Variants in RBFOX1 observed in about 807,000 individuals in gnomAD.
RBFOX1 encodes the protein RNA binding protein fox-1 homolog 1.
RBFOX1 carries 8 observed loss-of-function variants against 57.7 expected under a neutral mutation model. That is an observed-to-expected ratio of 0.14 (90% CI 0.08 to 0.25). The LOEUF (loss-of-function observed/expected upper bound fraction) is 0.25. RBFOX1 is among the 10% of genes least tolerant of loss of function. The pLI is 1.00. For missense variants in RBFOX1, 611 were observed against 548.5 expected (o/e 1.11, Z -1.14); for synonymous variants, 326 against 222.4 (o/e 1.47, Z -4.15).
At chr16:6,418,192 A>T (rs1244140185) in intron 2 of RBFOX1, among the ~76,000 whole-genome samples, 1 of 152,064 alleles carries the variant, frequency 6.6e-6, no homozygotes, top group African/African-American at 2.4e-5. Context: ...CCCCTATTTT[A>T]CCGAAGGGTA....
chr16:5,927,814 G>A (rs1160699757), intron 4 of RBFOX1, among the ~76,000 whole-genome samples: 1 of 152,158 alleles, frequency 6.6e-6, no homozygotes, highest in Non-Finnish European at 1.5e-5. Context: ...GGTAAACCTG[G>A]AAGACCTTAT....
At chr16:6,111,893 A>T (rs1370663294) in intron 1 of RBFOX1, among the ~76,000 whole-genome samples, 1 of 152,216 alleles carries the variant, frequency 6.6e-6, no homozygotes, top group Non-Finnish European at 1.5e-5. Context: ...GATTGATATA[A>T]ATAATCCATA....
intron 2 of RBFOX1, among the ~76,000 whole-genome samples, chr16:6,547,438 A>T (rs762975413): frequency 6.6e-6 from 1 of 152,332 alleles, no homozygotes; most frequent in East Asian, 1.9e-4. Flanking sequence ...TGATTGTCGA[A>T]TGGTGCCATC....
At chr16:5,939,009 T>C (rs1037711035) in intron 4 of RBFOX1, among the ~76,000 whole-genome samples, 2 of 152,140 alleles carry the variant, frequency 1.3e-5, no homozygotes, top group Admixed American at 6.5e-5. Flanking sequence ...AGCAAACAGC[T>C]TATGTTCTCA....
chr16:6,527,618 G>A (rs1014050476), intron 2 of RBFOX1, among the ~76,000 whole-genome samples: 1 of 152,128 alleles, frequency 6.6e-6, no homozygotes, highest in African/African-American at 2.4e-5. Flanking sequence ...CTGCAATGAT[G>A]TGGAAACCCC....
chr16:5,442,950 C>T (rs1224502072), intron 1 of RBFOX1, among the ~76,000 whole-genome samples: 2 of 152,096 alleles, frequency 1.3e-5, no homozygotes, highest in African/African-American at 2.4e-5. Context: ...GAGAAGAAGA[C>T]ACAGACACAG....
chr16:6,652,305 G>T (rs903835188), intron 2 of RBFOX1, among the ~76,000 whole-genome samples: 1 of 152,094 alleles, frequency 6.6e-6, no homozygotes, highest in Non-Finnish European at 1.5e-5. Context: ...AAAATTAGTT[G>T]GGGGTTGTGG....
chr16:5,950,037 T>C (rs1400974639), intron 4 of RBFOX1, among the ~76,000 whole-genome samples: 1 of 152,248 alleles, frequency 6.6e-6, no homozygotes, highest in Non-Finnish European at 1.5e-5. Flanking sequence ...GAGTGATACA[T>C]TTAATTGCTC....
rs1021396237 is a variant in RBFOX1, at chr16:7,099,101, A to G, written c.27+47003A>G. On this transcript the variant is annotated intron_variant, in intron 4 of 15. Transcript: ENST00000550418. ...AGTTATGGTGAAAGTTTATATTGCAAAAATAGTACTTAGAATCAGAGATGG... is the reference window on the plus strand; with the variant it reads ...AGTTATGGTGAAAGTTTATATTGCAGAAATAGTACTTAGAATCAGAGATGG... Among the ~76,000 whole-genome samples, 6 of 152,300 alleles carry G rather than the reference A, an allele frequency of 3.9e-5. 1 individual carries two copies. The highest frequency in any genetic ancestry group is 6.8e-3 in the Middle Eastern group (2 of 294).
chr16:6,220,258 C>T (rs969573908), intron 1 of RBFOX1, among the ~76,000 whole-genome samples: 2 of 152,008 alleles, frequency 1.3e-5, no homozygotes, highest in African/African-American at 4.8e-5. Context: ...TACAAACAGA[C>T]ACACATAACA....
intron 4 of RBFOX1, among the ~76,000 whole-genome samples, chr16:7,107,054 G>A (rs2063745453): frequency 6.6e-6 from 1 of 151,880 alleles, no homozygotes; most frequent in South Asian, 2.1e-4. Flanking sequence ...GTGCTATGAT[G>A]TCAGGAAATA....
At chr16:7,675,970 A>G (rs368855705) in intron 13 of RBFOX1, among the ~76,000 whole-genome samples, 14 of 152,242 alleles carry the variant, frequency 9.2e-5, no homozygotes, top group Admixed American at 9.2e-4. Flanking sequence ...ACTGAACACA[A>G]TTCCTTTTGA....
intron 4 of RBFOX1, among the ~76,000 whole-genome samples, chr16:7,369,610 C>A (rs993242270): frequency 6.6e-6 from 1 of 152,102 alleles, no homozygotes; most frequent in African/African-American, 2.4e-5. Flanking sequence ...TATCTCAATA[C>A]TTTTGTCTGG....
chr16:5,712,552 C>A (rs1029609281), intron 3 of RBFOX1, among the ~76,000 whole-genome samples: 1 of 152,160 alleles, frequency 6.6e-6, no homozygotes, highest in Non-Finnish European at 1.5e-5. Flanking sequence ...GGCTGGTGTT[C>A]TAGGGGCTTT....
chr16:7,240,795 C>T (rs1446051941), intron 4 of RBFOX1, among the ~76,000 whole-genome samples: 1 of 152,188 alleles, frequency 6.6e-6, no homozygotes, highest in African/African-American at 2.4e-5. Flanking sequence ...GTCTCAAACT[C>T]CTGGACTGAA....
intron 4 of RBFOX1, among the ~76,000 whole-genome samples, chr16:5,914,994 C>A (rs2058675613): frequency 6.6e-6 from 1 of 152,142 alleles, no homozygotes; most frequent in Admixed American, 6.5e-5. Context: ...TTGTGATGTG[C>A]CATCACTTTT....
intron 3 of RBFOX1, among the ~76,000 whole-genome samples, chr16:5,614,168 G>A (rs890220309): frequency 1.6e-4 from 25 of 152,126 alleles, no homozygotes; most frequent in African/African-American, 5.8e-4. Context: ...GTGGTTGGGG[G>A]ATCCTGTCCT....
intron 2 of RBFOX1, among the ~76,000 whole-genome samples, chr16:6,539,146 C>G (rs942938582): frequency 6.6e-6 from 1 of 151,712 alleles, no homozygotes; most frequent in Non-Finnish European, 1.5e-5. Flanking sequence ...GAAAATTTGC[C>G]CATGGTATGA....
intron 2 of RBFOX1, among the ~76,000 whole-genome samples, chr16:5,524,804 G>A (rs2044174438): frequency 6.6e-6 from 1 of 152,078 alleles, no homozygotes; most frequent in African/African-American, 2.4e-5. Flanking sequence ...GCCTCCCGAA[G>A]TGCTGGGATT....
Sources: gnomAD v4.1 joint callset for allele counts (sites outside exome capture counted in the v4.1 genomes callset) on GRCh38, gnomAD v4.1.1 for gene constraint, MANE v1.5 for transcripts, NCBI Gene and HGNC (gene_info 2026-07-23, HGNC 2026-07-21) for gene names.